The following ST8SIA5 variants were observed in gnomAD, a reference collection of about 807,000 sequenced individuals.
ST8SIA5 encodes the protein alpha-2,8-sialyltransferase 8E.
ST8SIA5 carries 24 observed loss-of-function variants against 40.2 expected under a neutral mutation model. That is an observed-to-expected ratio of 0.60 (90% CI 0.43 to 0.84). The LOEUF is 0.84. Ranked by LOEUF, ST8SIA5 falls within the 40% of genes least tolerant of loss-of-function variation. The probability of loss-of-function intolerance (pLI) is 0.00; values close to 1 mark genes in which losing one functional copy is unlikely to be tolerated. For synonymous variants in ST8SIA5, 198 were observed against 201.8 expected (o/e 0.98, Z 0.16); for missense variants, 465 against 498.5 (o/e 0.93, Z 0.64).
At chr18:46,701,142 T>C (rs993130438) in intron 2 of ST8SIA5, among the ~76,000 whole-genome samples, 93 of 130,206 alleles carry the variant, frequency 7.1e-4, no homozygotes, top group Non-Finnish European at 1.0e-3. Flanking sequence ...TTTTTTTTTT[T>C]TTTTTTTTTT....
chr18:46,699,541 G>A (rs1030451967), intron 2 of ST8SIA5, among the ~76,000 whole-genome samples: 1 of 152,032 alleles, frequency 6.6e-6, no homozygotes, highest in Admixed American at 6.6e-5. Flanking sequence ...TACTACGCCT[G>A]GCTAATTTTT....
chr18:46,750,181 C>T (rs905517756), intron 1 of ST8SIA5, among the ~76,000 whole-genome samples: 5 of 152,116 alleles, frequency 3.3e-5, no homozygotes, highest in South Asian at 2.1e-4. Flanking sequence ...ACATTCAAGG[C>T]CCAAGGTTAT....
chr18:46,729,301 C>T (rs750764201), intron 1 of ST8SIA5, among the ~76,000 whole-genome samples: 5 of 152,066 alleles, frequency 3.3e-5, no homozygotes, highest in Non-Finnish European at 5.9e-5. Flanking sequence ...AGGGAAGAAA[C>T]TAGACTTTAT....
At chr18:46,691,804 C>G (rs991954831) in intron 3 of ST8SIA5, 1 of 235,374 alleles carries the variant, frequency 4.2e-6, no homozygotes, top group African/African-American at 2.2e-5. Flanking sequence ...AGGTGAGGAC[C>G]AGGAGGCTAT....
At chr18:46,726,025 TATATCCTGG>T (rs2039925402) in intron 1 of ST8SIA5, among the ~76,000 whole-genome samples, 3 of 115,304 alleles carry the variant, frequency 2.6e-5, no homozygotes, top group Non-Finnish European at 5.3e-5. Flanking sequence ...GATATATATA[TATATCCTGG>T]ATATATATAT....
rs577972966 is a variant in ST8SIA5 at position 46,696,773 on chromosome 18, C to T, written c.225-4518G>A. Among the ~76,000 whole-genome samples the T allele has an allele frequency of 5.3e-5, 8 of 152,294 alleles. No individual in the cohort carries two copies. The South Asian group carries it at 8.3e-4, about 16-fold the overall frequency. The stretch of plus-strand genomic sequence containing the variant: ...CTCCTTTCTCCCAAGACACCACTAA[C>T]ATTCCAGAAGAGGAATTAAAAAAGG... On this transcript the variant is annotated intron_variant, in intron 2 of 6. Coordinates refer to ENST00000315087, the MANE Select transcript of ST8SIA5 (RefSeq NM_013305.6).
At chr18:46,701,390 C>T (rs28502205) in intron 2 of ST8SIA5, among the ~76,000 whole-genome samples, 1,889 of 152,146 alleles carry the variant, frequency 0.012, 25 homozygotes, top group South Asian at 0.037. Context: ...ATCCACCTGC[C>T]TCAGCCTCCC....
At chr18:46,728,314 G>A (rs576021871) in intron 1 of ST8SIA5, among the ~76,000 whole-genome samples, 1 of 152,346 alleles carries the variant, frequency 6.6e-6, no homozygotes, top group East Asian at 1.9e-4. Flanking sequence ...ACTGGAGGAG[G>A]CCAGTGGAGG....
chr18:46,704,246 C>T (rs545338136), intron 2 of ST8SIA5, among the ~76,000 whole-genome samples: 1 of 152,292 alleles, frequency 6.6e-6, no homozygotes, highest in African/African-American at 2.4e-5. Flanking sequence ...CAAAACAGTC[C>T]TGTGCCCTCT....
rs1446617458 is a variant in ST8SIA5, at chr18:46,671,995, C to A, written c.*8047G>T. The stretch of plus-strand genomic sequence containing the variant: ...GCTCCACCCTGGCCTCACCAAATAA[C>A]TCTGGGGCGGGGCCCATAATCAAGG... On this transcript the variant is annotated 3_prime_UTR_variant, in exon 7 of 7. Coordinates refer to ENST00000315087, the MANE Select transcript of ST8SIA5 (RefSeq NM_013305.6). 2.6e-5 allele frequency: 4 copies of A among 152,250 alleles called. No individual in the cohort carries two copies. The highest frequency in any genetic ancestry group is 4.4e-5 in the Non-Finnish European group (3 of 68,062). 9.4% of individuals were successfully genotyped at this position (152,250 alleles called of 1,614,324 possible). A position where few individuals can be genotyped will look rare whatever the true frequency, so the allele number is the denominator to read the frequency against.
chr18:46,745,677 A>G (rs1372154806), intron 1 of ST8SIA5, among the ~76,000 whole-genome samples: 1 of 152,228 alleles, frequency 6.6e-6, no homozygotes, highest in Non-Finnish European at 1.5e-5. Flanking sequence ...AAACTATTCC[A>G]ATCAATAGAA....
At chr18:46,682,135 A>G in intron 5 of ST8SIA5, 71 bp from the exon 6 acceptor site, 8 of 675,980 alleles carry the variant, frequency 1.2e-5, no homozygotes, top group Middle Eastern at 4.6e-4. Flanking sequence ...GTGCAGGGGG[A>G]GGGGAGGGAT....
chr18:46,754,848 T>C (rs1004992439), intron 1 of ST8SIA5, among the ~76,000 whole-genome samples: 2 of 152,228 alleles, frequency 1.3e-5, no homozygotes, highest in Non-Finnish European at 2.9e-5. Context: ...AGAGCTGCCC[T>C]GCTGAAGAGC....
chr18:46,707,674 T>G (rs939656565), intron 1 of ST8SIA5, among the ~76,000 whole-genome samples: 2 of 152,156 alleles, frequency 1.3e-5, no homozygotes, highest in Non-Finnish European at 2.9e-5. Context: ...TCCTCTACAA[T>G]TCATATGTTG....
In ST8SIA5 at chr18:46,756,621, G is replaced by C. The variant is rs1399901108; in HGVS notation, c.-113C>G. 3.1e-6 allele frequency: 4 copies of C among 1,287,250 alleles called. No individual in the cohort carries two copies. Among genetic ancestry groups the C allele is most frequent in the Non-Finnish European group, 4.2e-6 (4 of 955,134 alleles). 79.7% of individuals were successfully genotyped at this position (1,287,250 alleles called of 1,614,324 possible). A position where few individuals can be genotyped will look rare whatever the true frequency, so the allele number is the denominator to read the frequency against. Reference sequence around the variant, plus strand: ...ACTTGGCGCCTCACGGTGCGGTCAGGCAGGCGGGGGACTTCGAGGGGCAAA... The same window carrying C: ...ACTTGGCGCCTCACGGTGCGGTCAGCCAGGCGGGGGACTTCGAGGGGCAAA... On this transcript the variant is annotated 5_prime_UTR_variant, in exon 1 of 7. Transcript: ENST00000315087.
chr18:46,712,271 C>T (rs895973879), intron 1 of ST8SIA5, among the ~76,000 whole-genome samples: 7 of 152,122 alleles, frequency 4.6e-5, no homozygotes, highest in Admixed American at 1.3e-4. Context: ...CCTACTGCTT[C>T]TCATGGACTT....
intron 1 of ST8SIA5, among the ~76,000 whole-genome samples, chr18:46,718,967 CA>C (rs2039822935): frequency 6.6e-6 from 1 of 152,118 alleles, no homozygotes; most frequent in African/African-American, 2.4e-5. Flanking sequence ...GCTCACACGC[CA>C]GGGTAAAAAC....
At chr18:46,729,548 A>T (rs369600222) in intron 1 of ST8SIA5, among the ~76,000 whole-genome samples, 13 of 152,248 alleles carry the variant, frequency 8.5e-5, no homozygotes, top group African/African-American at 3.1e-4. Context: ...AGGCAAAGGG[A>T]CTGCAGCCAT....
rs910488421 is a variant in ST8SIA5 at position 46,675,187 on chromosome 18, G to A, written c.*4855C>T. 3 of 152,256 alleles carry A rather than the reference G, an allele frequency of 2.0e-5. No individual in the cohort carries two copies. The highest frequency in any genetic ancestry group is 4.8e-5 in the African/African-American group (2 of 41,430). The allele number at this position is 152,256 out of a possible 1,614,324, so 9.4% of individuals were successfully genotyped here. A position where few individuals can be genotyped will look rare whatever the true frequency, so the allele number is the denominator to read the frequency against. The stretch of plus-strand genomic sequence containing the variant: ...GAACAAATAGACATAAAGAGTGAAG[G>A]AGAAGGAAGAGGCAAAGGTGATCCA... On this transcript the variant is annotated 3_prime_UTR_variant, in exon 7 of 7. Transcript: ENST00000315087.
Sources: allele counts gnomAD v4.1 joint callset (sites outside exome capture counted in the v4.1 genomes callset), GRCh38; gene constraint gnomAD v4.1.1; transcripts MANE v1.5; gene names NCBI Gene and HGNC (gene_info 2026-07-23, HGNC 2026-07-21).